The following UNKL variants were observed in gnomAD, a reference collection of about 807,000 sequenced individuals.
UNKL encodes the protein unk like zinc finger, also known as putative E3 ubiquitin-protein ligase UNKL.
Under a neutral mutation model 78.0 loss-of-function variants are expected in UNKL, and 60 were observed. That is an observed-to-expected ratio of 0.77 (90% CI 0.63 to 0.95). The LOEUF is 0.95. UNKL is among the 40% of genes least tolerant of loss of function. The probability of loss-of-function intolerance (pLI) is 0.00; values close to 1 mark genes in which losing one functional copy is unlikely to be tolerated. For missense variants in UNKL, 1,159 were observed against 1,045.7 expected (o/e 1.11, Z -1.49); for synonymous variants, 608 against 474.8 (o/e 1.28, Z -3.65).
Position 1,366,233 on chromosome 16 carries a change from G to T in UNKL, c.*7C>A. ...TGCCCAGCAGGAGGTGGCTGTCCCC[G>T]CTGAGGTCACCACTGCAGGGGCTGG... is the stretch of plus-strand genomic sequence containing the variant. On this transcript the variant is annotated 3_prime_UTR_variant, in exon 15 of 15. Transcript: ENST00000389221. 1 of 1,532,024 alleles carries T rather than the reference G, an allele frequency of 6.5e-7. No homozygotes were observed. Among genetic ancestry groups the T allele is most frequent in the Non-Finnish European group, 8.8e-7 (1 of 1,134,884 alleles). 94.9% of individuals were successfully genotyped at this position (1,532,024 alleles called of 1,614,324 possible). A position where few individuals can be genotyped will look rare whatever the true frequency, so the allele number is the denominator to read the frequency against.
intron 2 of UNKL, among the ~76,000 whole-genome samples, chr16:1,404,650 G>A (rs985695212): frequency 2.3e-4 from 35 of 152,304 alleles, no homozygotes; most frequent in African/African-American, 7.9e-4. Flanking sequence ...GTCTTCAGGA[G>A]ACACCTGCAC....
intron 10 of UNKL, among the ~76,000 whole-genome samples, chr16:1,384,500 C>A (rs1319336388): frequency 6.6e-6 from 1 of 152,158 alleles, no homozygotes; most frequent in Non-Finnish European, 1.5e-5. Context: ...AAGCTGCCAG[C>A]CCAGGTGCTC....
intron 2 of UNKL, among the ~76,000 whole-genome samples, chr16:1,405,734 C>T (rs1485984332): frequency 6.6e-6 from 1 of 151,904 alleles, no homozygotes; most frequent in Non-Finnish European, 1.5e-5. Context: ...GTGACAAACA[C>T]GGTTCTCAAA....
At chr16:1,383,820 G>C (rs772048564) in intron 10 of UNKL, 4 of 442,604 alleles carry the variant, frequency 9.0e-6, no homozygotes, top group South Asian at 1.6e-5. Flanking sequence ...GGACTGCAGC[G>C]AGGGCCCCCA....
chr16:1,398,746 A>G, intron 5 of UNKL: 1 of 1,359,856 alleles, frequency 7.4e-7, no homozygotes, highest in Non-Finnish European at 9.6e-7. Context: ...GCACAACCAG[A>G]AGGCCGGGCT....
At chr16:1,411,906 ATTTT>A (rs1555460691) in intron 2 of UNKL, 1 of 152,138 alleles carries the variant, frequency 6.6e-6, no homozygotes, top group Non-Finnish European at 1.5e-5. Flanking sequence ...CTTAAAAAAA[ATTTT>A]TTTTAATTTA....
intron 3 of UNKL, among the ~76,000 whole-genome samples, chr16:1,402,662 C>CA (rs970535918): frequency 6.1e-5 from 9 of 148,710 alleles, no homozygotes; most frequent in Admixed American, 4.0e-4. Flanking sequence ...GATTCCATCT[C>CA]AAAAAACAAA....
intron 1 of UNKL, among the ~76,000 whole-genome samples, chr16:1,414,306 G>A (rs1296393494): frequency 3.3e-5 from 5 of 152,092 alleles, no homozygotes; most frequent in African/African-American, 1.2e-4. Context: ...GCGACCCGCT[G>A]TGACCTCACG....
At chr16:1,392,046 A>C (rs768719507) in intron 8 of UNKL, among the ~76,000 whole-genome samples, 40 of 152,194 alleles carry the variant, frequency 2.6e-4, no homozygotes, top group Non-Finnish European at 4.6e-4. Flanking sequence ...GTCCGTGTGA[A>C]GGCAGGGTGC....
chr16:1,398,631 A>G, intron 5 of UNKL: 1 of 1,435,366 alleles, frequency 7.0e-7, no homozygotes, highest in South Asian at 1.5e-5. Context: ...ACAGGGCCTC[A>G]GGGAGGCCAA....
At chr16:1,368,064 C>T (rs1449804936) in intron 12 of UNKL, 3 of 549,956 alleles carry the variant, frequency 5.5e-6, no homozygotes, top group African/African-American at 3.8e-5. Context: ...GTGACACCTG[C>T]CCCGGCCGGT....
intron 12 of UNKL, 140 bp from the exon 13 acceptor site, chr16:1,367,998 C>T (rs1053472427): frequency 1.5e-5 from 11 of 734,976 alleles, no homozygotes; most frequent in East Asian, 1.1e-4. Context: ...GGTGCAGCCA[C>T]GCCTGCCCCT....
chr16:1,367,679 CCT>C lies in UNKL; in HGVS notation c.1763_1764del (p.Glu588GlyfsTer29). On this transcript the variant is annotated frameshift_variant, in exon 13 of 15. Coordinates refer to ENST00000389221, the MANE Select transcript of UNKL (RefSeq NM_001372107.1). LOFTEE classifies it high-confidence loss of function. ...ACCTGCTTCACCTGCTGCCAGGACT[CCT>C]CCCACTGCCGGATCTTCCTCTTGGC... ...DEAKRKIRQW[E>X]ESWQQVKQVC... is the part of the protein sequence containing the mutation. 1 of 1,576,990 alleles carries C rather than the reference CCT, an allele frequency of 6.3e-7. No individual in the cohort carries two copies. The highest frequency in any genetic ancestry group is 8.6e-7 in the Non-Finnish European group (1 of 1,162,632).
At chr16:1,377,913 T>G (rs1322724271) in intron 10 of UNKL, among the ~76,000 whole-genome samples, 2 of 152,200 alleles carry the variant, frequency 1.3e-5, no homozygotes, top group African/African-American at 4.8e-5. Context: ...CCTGCCTTCA[T>G]GCATTGCAAT....
intron 9 of UNKL, 115 bp downstream of exon 9, chr16:1,390,517 C>T (rs2142122151): frequency 8.8e-7 from 1 of 1,133,838 alleles, no homozygotes; most frequent in Admixed American, 2.6e-5. Context: ...GTGGGCGGGA[C>T]CAAGGATGCA....
At chr16:1,371,875 G>T (rs1008408178) in intron 10 of UNKL, among the ~76,000 whole-genome samples, 3 of 152,186 alleles carry the variant, frequency 2.0e-5, no homozygotes, top group Non-Finnish European at 2.9e-5. Flanking sequence ...CTGGGTCCTC[G>T]CCTCTGACAC....
At position 1,392,946 on chromosome 16, in the gene UNKL, C is replaced by T; in HGVS notation, c.968G>A (p.Cys323Tyr). 1.3e-6 allele frequency: 2 copies of T among 1,550,572 alleles called. No individual in the cohort carries two copies. The highest frequency in any genetic ancestry group is 1.7e-6 in the Non-Finnish European group (2 of 1,146,998). ...KSLGMVNEWG[C>Y]HDLHLTSPSS... ...AGGACTCGTGAGGTGGAGGTCGTGA[C>T]AGCCCCATTCATTCACCATCCCCAG... Residue 323 changes from cysteine (C) to tyrosine (Y), a missense_variant, in exon 8 of 15, where the codon TGT becomes TAT. Cys to Tyr is a radical substitution (Grantham distance 194). Coordinates refer to ENST00000389221, the MANE Select transcript of UNKL (RefSeq NM_001372107.1).
At chr16:1,397,149 C>T in intron 6 of UNKL, 29 bp downstream of exon 6, 1 of 1,543,694 alleles carries the variant, frequency 6.5e-7, no homozygotes, top group South Asian at 1.2e-5. Context: ...TCCAGCGACC[C>T]CTACGCCTGG....
rs975651898 is a variant in UNKL, at chr16:1,367,745, C to T, written c.1699G>A (p.Gly567Arg). ...CGCCTGACCCGGGCCAGCTCAGCTC[C>T]GTTTGGACTTGCACTCGAAGAGGAT... ...PPSSSSASPN[G>R]AELARVRRQL... Residue 567 changes from glycine to arginine, a missense_variant, in exon 13 of 15, where the codon GGA becomes AGA. Gly to Arg is a moderately radical substitution (Grantham distance 125). Transcript: ENST00000389221. 14 of 1,576,794 alleles carry T rather than the reference C, an allele frequency of 8.9e-6. No homozygotes were observed. Among genetic ancestry groups the T allele is most frequent in the South Asian group, 7.0e-5 (6 of 85,622 alleles).
Sources: gnomAD v4.1 joint callset for allele counts (sites outside exome capture counted in the v4.1 genomes callset) on GRCh38, gnomAD v4.1.1 for gene constraint, MANE v1.5 for transcripts, NCBI Gene and HGNC (gene_info 2026-07-23, HGNC 2026-07-21) for gene names.